Variants in DGKI observed in about 807,000 individuals in gnomAD.
The protein encoded by DGKI is DAG kinase iota.
Under a neutral mutation model 147.5 loss-of-function variants are expected in DGKI, and 55 were observed. The ratio of observed to expected loss-of-function variants is 0.37; its 90% CI spans 0.30 to 0.47. The LOEUF is 0.47. DGKI is among the 20% of genes least tolerant of loss of function. The probability of loss-of-function intolerance (pLI) is 1.00; values close to 1 mark genes in which losing one functional copy is unlikely to be tolerated. For missense variants in DGKI, 1,007 were observed against 1,323.8 expected (o/e 0.76, Z 3.71); for synonymous variants, 469 against 477.1 (o/e 0.98, Z 0.22).
At chr7:137,729,431 G>C (rs1464530356) in intron 1 of DGKI, among the ~76,000 whole-genome samples, 1 of 152,064 alleles carries the variant, frequency 6.6e-6, no homozygotes, top group Non-Finnish European at 1.5e-5. Context: ...CATCTGCTTT[G>C]TGCCCAAAAG....
intron 23 of DGKI, among the ~76,000 whole-genome samples, chr7:137,472,413 A>G (rs537951098): frequency 9.9e-4 from 135 of 136,734 alleles, no homozygotes; most frequent in African/African-American, 2.7e-3. Context: ...ATATGTATAT[A>G]TACATATACA....
intron 1 of DGKI, among the ~76,000 whole-genome samples, chr7:137,834,084 T>C (rs1276598448): frequency 6.6e-6 from 1 of 152,218 alleles, no homozygotes; most frequent in African/African-American, 2.4e-5. Flanking sequence ...TATAAAGTTG[T>C]GATAAGAATT....
In DGKI at chr7:137,803,531, C is replaced by T. The variant is rs938139996; in HGVS notation, c.401+42931G>A. 1.1e-4 allele frequency among the ~76,000 whole-genome samples: 16 copies of T among 152,064 alleles called. 1 individual carries two copies. Among genetic ancestry groups the T allele is most frequent in the Non-Finnish European group, 2.9e-5 (2 of 68,008 alleles). On this transcript the variant is annotated intron_variant, in intron 1 of 32. Coordinates refer to ENST00000614521, the MANE Select transcript of DGKI (RefSeq NM_001321708.2). ...TATGATATTTTCTTTCTTTTTGATG[C>T]TATTTTTCTTTATGATGTCTACTAA... is the stretch of plus-strand genomic sequence containing the variant.
chr7:137,733,287 T>C (rs1472344599), intron 1 of DGKI, among the ~76,000 whole-genome samples: 1 of 152,052 alleles, frequency 6.6e-6, no homozygotes, highest in Non-Finnish European at 1.5e-5. Context: ...TTCTACTTTC[T>C]GTCTCTATGT....
chr7:137,708,995 G>A (rs1411431423), intron 1 of DGKI, among the ~76,000 whole-genome samples: 1 of 152,190 alleles, frequency 6.6e-6, no homozygotes, highest in Non-Finnish European at 1.5e-5. Flanking sequence ...TTGTAAAGTG[G>A]AAAGTGGACT....
intron 6 of DGKI, among the ~76,000 whole-genome samples, chr7:137,638,469 TATATGTGTGTATATATATACACAC>T: frequency 8.0e-6 from 1 of 124,270 alleles, no homozygotes; most frequent in Admixed American, 7.9e-5. Context: ...TATGTGTGTA[TATATGTGTGTATATATATACACAC>T]ATATATATGT....
chr7:137,635,242 G>A (rs574021677), intron 6 of DGKI, among the ~76,000 whole-genome samples: 1 of 152,188 alleles, frequency 6.6e-6, no homozygotes, highest in African/African-American at 2.4e-5. Context: ...AGCATGGGTG[G>A]CCAGTCACCA....
chr7:137,624,601 T>C (rs2128999109), intron 6 of DGKI, among the ~76,000 whole-genome samples: 1 of 151,758 alleles, frequency 6.6e-6, no homozygotes, highest in East Asian at 1.9e-4. Flanking sequence ...ACCTCTCTCG[T>C]TTTTGTTTTT....
rs1811183908 is a variant in DGKI, at chr7:137,386,623, A to G, written c.*4597T>C. The G allele has an allele frequency of 6.6e-6, 1 of 152,146 alleles. No homozygotes were observed. The highest frequency in any genetic ancestry group is 2.4e-5 in the African/African-American group (1 of 41,460). The allele number at this position is 152,146 out of a possible 1,614,324, so 9.4% of individuals were successfully genotyped here. ...CAAAATTATTGACAGTAGTAGGCAG[A>G]AAGTTCAGGGACAGGACTGCCGCTA... On this transcript the variant is annotated 3_prime_UTR_variant, in exon 33 of 33. Transcript: ENST00000614521.
intron 17 of DGKI, among the ~76,000 whole-genome samples, chr7:137,574,024 C>T: frequency 6.6e-6 from 1 of 152,336 alleles, no homozygotes; most frequent in East Asian, 1.9e-4. Flanking sequence ...ATTACCTTCT[C>T]ATTTGGAGAG....
At chr7:137,537,771 G>A (rs536827517) in intron 20 of DGKI, among the ~76,000 whole-genome samples, 4 of 152,168 alleles carry the variant, frequency 2.6e-5, no homozygotes, top group Non-Finnish European at 5.9e-5. Context: ...TTAATTCATT[G>A]AGGCAAACCA....
At chr7:137,739,870 A>T (rs1348201249) in intron 1 of DGKI, among the ~76,000 whole-genome samples, 1 of 152,200 alleles carries the variant, frequency 6.6e-6, no homozygotes, top group Non-Finnish European at 1.5e-5. Context: ...AATGGCAGTC[A>T]AGAAAAGGTT....
intron 28 of DGKI, among the ~76,000 whole-genome samples, chr7:137,421,539 G>A (rs980397289): frequency 6.6e-6 from 1 of 152,196 alleles, no homozygotes; most frequent in Non-Finnish European, 1.5e-5. Context: ...CTACCTTGCT[G>A]CCAGAGGATC....
At chr7:137,595,767 G>C (rs1819766852) in intron 12 of DGKI, among the ~76,000 whole-genome samples, 1 of 152,036 alleles carries the variant, frequency 6.6e-6, no homozygotes, top group African/African-American at 2.4e-5. Flanking sequence ...ACTTTGGGAG[G>C]CCGAGGCAGG....
At position 137,485,375 on chromosome 7, in the gene DGKI, T is replaced by C. The variant is rs1361926900; in HGVS notation, c.2372A>G (p.Gln791Arg). 1.2e-6 allele frequency: 2 copies of C among 1,607,142 alleles called. No individual in the cohort carries two copies. Among genetic ancestry groups the C allele is most frequent in the Non-Finnish European group, 1.7e-6 (2 of 1,176,090 alleles). Residue 791 changes from glutamine to arginine, a missense_variant and splice_region_variant, in exon 23 of 33, where the codon CAG becomes CGG. Gln to Arg is a conservative substitution (Grantham distance 43, BLOSUM62 1). Transcript: ENST00000614521. ...VSSGSQRVHY[Q>R]DHETSFPRAL... ...CAAGGAGAGTCAATTATTTGTTACC[T>C]GGTAATGAACTCTCTGGGAGCCAGA...
intron 1 of DGKI, among the ~76,000 whole-genome samples, chr7:137,701,369 T>TAAC (rs1823978613): frequency 6.6e-6 from 1 of 151,604 alleles, no homozygotes; most frequent in South Asian, 2.1e-4. Flanking sequence ...ATAAAGTTAA[T>TAAC]AATAATAATA....
rs149516938 is a variant in DGKI at position 137,599,900 on chromosome 7, G to C, written c.1173C>G (p.Thr391=). The C allele has an allele frequency of 5.9e-5, 95 of 1,611,390 alleles. No homozygotes were observed. The highest frequency in any genetic ancestry group is 1.7e-4 in the Admixed American group (10 of 59,960). The part of the protein sequence containing the change: ...VNPKSGGNQG[T]KVLQMFMWYL... Reference sequence around the variant, plus strand: ...ACCACATGAACATCTGCAGGACTTTGGTTCCCTGTAAAAAATAAATACACA... The same window carrying C: ...ACCACATGAACATCTGCAGGACTTTCGTTCCCTGTAAAAAATAAATACACA... Residue 391 remains threonine, a synonymous_variant, in exon 11 of 33, where the codon ACC becomes ACG. Transcript: ENST00000614521.
At chr7:137,686,873 G>A (rs909201593) in intron 2 of DGKI, among the ~76,000 whole-genome samples, 2 of 152,102 alleles carry the variant, frequency 1.3e-5, no homozygotes, top group Non-Finnish European at 1.5e-5. Flanking sequence ...GTCAGAACAC[G>A]GCCCTTTTGG....
chr7:137,640,308 G>T (rs190880714), intron 6 of DGKI, among the ~76,000 whole-genome samples: 1 of 152,174 alleles, frequency 6.6e-6, no homozygotes, highest in South Asian at 2.1e-4. Context: ...GCAGAGAGTA[G>T]AACAGTGGTT....
Sources: gnomAD v4.1 joint callset for allele counts (sites outside exome capture counted in the v4.1 genomes callset) on GRCh38, gnomAD v4.1.1 for gene constraint, MANE v1.5 for transcripts, NCBI Gene and HGNC (gene_info 2026-07-23, HGNC 2026-07-21) for gene names.